HOXC5: variants seen among roughly 807,000 people sequenced by gnomAD.
The protein encoded by HOXC5 is homeobox protein Hox-C5.
HOXC5 carries 19 observed loss-of-function variants against 20.1 expected under a neutral mutation model. The ratio of observed to expected loss-of-function variants is 0.94; its 90% CI spans 0.66 to 1.38. HOXC5 has a LOEUF of 1.38. Among genes scored for constraint, HOXC5 ranks in the 40% most tolerant of loss-of-function variants. HOXC5 has a pLI of 0.00. For missense variants in HOXC5, 330 were observed against 300.1 expected (o/e 1.10, Z -0.74); for synonymous variants, 124 against 117.0 (o/e 1.06, Z -0.39).
At chr12:54,024,172 C>G in the HOXC5 span, among the ~76,000 whole-genome samples, 3 of 152,178 alleles carry the variant, frequency 2.0e-5, no homozygotes, top group Non-Finnish European at 4.4e-5. Flanking sequence ...TTTTAGCCCT[C>G]GCCCAGTGGC....
At chr12:54,027,369 G>A in the HOXC5 span, among the ~76,000 whole-genome samples, 1 of 152,166 alleles carries the variant, frequency 6.6e-6, no homozygotes, top group African/African-American at 2.4e-5. Flanking sequence ...GGGCAGGGGG[G>A]CTTCTGACCA....
the HOXC5 span, among the ~76,000 whole-genome samples, chr12:54,022,909 C>T: frequency 6.6e-6 from 1 of 152,150 alleles, no homozygotes; most frequent in East Asian, 1.9e-4. Flanking sequence ...ATCCTTTGAC[C>T]CAGTGCAGAG....
At chr12:54,028,703 T>C (rs1940844031), upstream of HOXC5, 2 of 1,614,172 alleles carry the variant, frequency 1.2e-6, no homozygotes, top group Non-Finnish European at 1.7e-6. Flanking sequence ...CAGGAGAATG[T>C]CGTGTTCAGT....
the HOXC5 span, among the ~76,000 whole-genome samples, chr12:54,018,006 C>T: frequency 1.7e-3 from 256 of 152,296 alleles, no homozygotes; most frequent in Non-Finnish European, 3.2e-3. Flanking sequence ...GCTAGGCGGC[C>T]GGCGGGGCCT....
chr12:54,017,982 A>C, the HOXC5 span, among the ~76,000 whole-genome samples: 1 of 152,184 alleles, frequency 6.6e-6, no homozygotes, highest in South Asian at 2.1e-4. Context: ...GCCGCCGAGC[A>C]GGAAGCCGGC....
rs1482088208 is a variant in HOXC5, at chr12:54,034,528, C to T, written c.*36C>T. The T allele has an allele frequency of 6.4e-7, 1 of 1,550,962 alleles. No individual in the cohort carries two copies. ...GGAGGCCCGCAGAGCGCGCCCCTAG[C>T]CGGTTCCTGTCCCTGCGCCTTTCCT... On this transcript the variant is annotated 3_prime_UTR_variant, in exon 2 of 2. Transcript: ENST00000312492.
chr12:54,032,674 T>C (rs1406328446), upstream of HOXC5, among the ~76,000 whole-genome samples: 1 of 152,208 alleles, frequency 6.6e-6, no homozygotes, highest in Non-Finnish European at 1.5e-5. Context: ...CAGCTTCTCC[T>C]TCACAGTGTA....
At chr12:54,027,392 G>C in the HOXC5 span, among the ~76,000 whole-genome samples, 1 of 152,212 alleles carries the variant, frequency 6.6e-6, no homozygotes, top group Non-Finnish European at 1.5e-5. Context: ...GCAGGGGCTT[G>C]AGCCTGCAGG....
chr12:54,032,777 A>C (rs1592237042), upstream of HOXC5: 10 of 150,326 alleles, frequency 6.7e-5, no homozygotes, highest in Non-Finnish European at 7.0e-5. Context: ...TGTCCCGGCT[A>C]CCCCCAATTC....
the HOXC5 span, chr12:54,020,551 A>G: frequency 6.6e-6 from 1 of 152,244 alleles, no homozygotes; most frequent in Non-Finnish European, 1.5e-5. Flanking sequence ...TTTATTATAT[A>G]CAGGCTTAAA....
At chr12:54,029,645 G>A, upstream of HOXC5, 2 of 1,608,426 alleles carry the variant, frequency 1.2e-6, no homozygotes, top group Non-Finnish European at 1.7e-6. Context: ...TTTTGTGCCC[G>A]GATCTTTAGG....
the HOXC5 span, among the ~76,000 whole-genome samples, chr12:54,026,129 G>T: frequency 6.6e-6 from 1 of 152,066 alleles, no homozygotes; most frequent in Non-Finnish European, 1.5e-5. Context: ...ATTGGAGGGG[G>T]GGACAGAGTT....
chr12:54,026,124 AG>A, the HOXC5 span, among the ~76,000 whole-genome samples: 3 of 152,054 alleles, frequency 2.0e-5, no homozygotes, highest in Non-Finnish European at 4.4e-5. Flanking sequence ...CTGAAATTGG[AG>A]GGGGGGACAG....
At chr12:54,034,142 C>A in intron 1 of HOXC5, 136 bp from the exon 2 acceptor site, 2 of 859,674 alleles carry the variant, frequency 2.3e-6, no homozygotes, top group Non-Finnish European at 3.9e-6. Context: ...GGCCCGCCTG[C>A]GGCCCGCGTG....
chr12:54,030,142 A>C, upstream of HOXC5: 3 of 560,836 alleles, frequency 5.3e-6, no homozygotes, highest in East Asian at 3.0e-5. Flanking sequence ...TCACCGCACA[A>C]CTCTCTTTCA....
chr12:54,029,662 C>T, upstream of HOXC5: 1 of 1,612,414 alleles, frequency 6.2e-7, no homozygotes, highest in Non-Finnish European at 8.5e-7. Flanking sequence ...TAGGGGTCGG[C>T]TACGGAGCGG....
rs1368005392 is a variant in HOXC5, at chr12:54,033,473, G to A, written c.351G>A (p.Glu117=). ...ALEERAKSSG[E]IKEEQAQTGQ... is the part of the protein sequence containing the mutation. ...AGGAGCGAGCTAAGAGCAGTGGGGA[G>A]ATCAAAGAGGAGCAGGCGCAGACAG... The change falls in exon 1 of 2, where the codon GAG becomes GAA. Residue 117 remains glutamate (E), a synonymous_variant. Transcript: ENST00000312492. 2 of 1,596,590 alleles carry A rather than the reference G, an allele frequency of 1.3e-6. No homozygotes were observed. The highest frequency in any genetic ancestry group is 1.7e-6 in the Non-Finnish European group (2 of 1,173,898).
chr12:54,034,142 C>T, intron 1 of HOXC5, 136 bp from the exon 2 acceptor site: 3 of 859,674 alleles, frequency 3.5e-6, no homozygotes, highest in Non-Finnish European at 5.9e-6. Context: ...GGCCCGCCTG[C>T]GGCCCGCGTG....
In HOXC5 at chr12:54,033,374, C is replaced by A. The variant is rs762663262; in HGVS notation, c.252C>A (p.His84Gln). Residue 84 changes from histidine (H) to glutamine (Q), a missense_variant, in exon 1 of 2, where the codon CAC (histidine) becomes CAA (glutamine). His to Gln is a conservative substitution (Grantham distance 24). Coordinates refer to ENST00000312492, the MANE Select transcript of HOXC5 (RefSeq NM_018953.4). ...GCAGCGCCGCGGCCGCTCCGGGACA[C>A]GCTCCGGGCAGAGACGAAGCGGCTC... ...PACSAAAAPG[H>Q]APGRDEAAPL... is the part of the protein sequence containing the mutation. The A allele has an allele frequency of 6.2e-6, 10 of 1,612,960 alleles. No homozygotes were observed. Among genetic ancestry groups the A allele is most frequent in the Non-Finnish European group, 7.6e-6 (9 of 1,179,560 alleles).
Sources: allele counts gnomAD v4.1 joint callset (sites outside exome capture counted in the v4.1 genomes callset), GRCh38; gene constraint gnomAD v4.1.1; transcripts MANE v1.5; gene names NCBI Gene and HGNC (gene_info 2026-07-23, HGNC 2026-07-21).